Variants in RBPJ observed in about 807,000 individuals in gnomAD.
RBPJ encodes recombining binding protein suppressor of hairless.
RBPJ carries 9 observed loss-of-function variants against 67.8 expected under a neutral mutation model. That is an observed-to-expected ratio of 0.13 (90% CI 0.08 to 0.23). The LOEUF (loss-of-function observed/expected upper bound fraction) is 0.23, where lower values mean the gene tolerates loss of function less well. RBPJ is among the 10% of genes least tolerant of loss of function. The pLI, the probability that RBPJ is intolerant of heterozygous loss-of-function variation, is 1.00. For missense variants in RBPJ, 305 were observed against 595.6 expected (o/e 0.51, Z 5.08); for synonymous variants, 198 against 203.3 (o/e 0.97, Z 0.22).
intron 1 of RBPJ, among the ~76,000 whole-genome samples, chr4:26,298,545 A>C (rs948801538): frequency 1.2e-4 from 18 of 152,218 alleles, no homozygotes; most frequent in African/African-American, 3.1e-4. Context: ...CAGAGAACCT[A>C]AACTCTTTAC....
At chr4:26,282,134 CTCTTTTTT>C (rs1353691438) in intron 1 of RBPJ, among the ~76,000 whole-genome samples, 45 of 126,608 alleles carry the variant, frequency 3.6e-4, no homozygotes, top group Non-Finnish European at 6.9e-4. Context: ...CTCTCTCTCT[CTCTTTTTT>C]TTTTTTTTTT....
intron 1 of RBPJ, among the ~76,000 whole-genome samples, chr4:26,358,610 C>CAA (rs771623602): frequency 0.053 from 2,262 of 42,890 alleles, 137 homozygotes; most frequent in African/African-American, 0.15. Flanking sequence ...CCCATCTCTG[C>CAA]AAAAAAAAAA....
rs897098882 is a variant in RBPJ, at chr4:26,228,047, A to T, written c.-167+64433A>T. On this transcript the variant is annotated intron_variant, in intron 1 of 4. Coordinates refer to the RBPJ transcript ENST00000512351. Reference sequence around the variant, plus strand: ...CAGGACCTCCCTGCTGCGGCAAGTCACTAGGAACACATGGCCTCAGCCCTG... The same window carrying T: ...CAGGACCTCCCTGCTGCGGCAAGTCTCTAGGAACACATGGCCTCAGCCCTG... Among the ~76,000 whole-genome samples, 7 of 152,154 alleles carry T rather than the reference A, an allele frequency of 4.6e-5. No homozygotes were observed. The East Asian group carries it at 1.2e-3, about 25-fold the overall frequency.
intron 1 of RBPJ, among the ~76,000 whole-genome samples, chr4:26,288,664 C>T (rs948726746): frequency 2.0e-5 from 3 of 152,188 alleles, no homozygotes; most frequent in South Asian, 2.1e-4. Context: ...CTCACAAACA[C>T]GTATTCTTTA....
the RBPJ span, among the ~76,000 whole-genome samples, chr4:26,117,912 T>A: frequency 6.6e-6 from 1 of 152,084 alleles, no homozygotes; most frequent in East Asian, 1.9e-4. Context: ...CAAACAACTA[T>A]ACACCACAAA....
At chr4:26,171,579 G>A (rs376015915) in intron 1 of RBPJ, among the ~76,000 whole-genome samples, 47 of 152,254 alleles carry the variant, frequency 3.1e-4, no homozygotes, top group Non-Finnish European at 6.2e-4. Flanking sequence ...AACAAGAAAT[G>A]TATAGTTAGC....
At position 26,434,403 on chromosome 4, in the gene RBPJ, C is replaced by G. The variant is rs1377301168; in HGVS notation, c.*3396C>G. ...ACTGGGGAGGAGGTTCCTTTTGAAA[C>G]AAAATGCTGTTCAGTTAGTAACCAA... On this transcript the variant is annotated 3_prime_UTR_variant, in exon 11 of 11. Coordinates refer to ENST00000355476, the MANE Select transcript of RBPJ (RefSeq NM_015874.6). 1.3e-5 allele frequency: 2 copies of G among 152,160 alleles called. No individual in the cohort carries two copies. Among genetic ancestry groups the G allele is most frequent in the Non-Finnish European group, 2.9e-5 (2 of 67,996 alleles). 9.4% of individuals were successfully genotyped at this position (152,160 alleles called of 1,614,324 possible). A position where few individuals can be genotyped will look rare whatever the true frequency, so the allele number is the denominator to read the frequency against.
At chr4:26,325,055 C>T (rs901256366) in intron 1 of RBPJ, among the ~76,000 whole-genome samples, 30 of 152,192 alleles carry the variant, frequency 2.0e-4, no homozygotes, top group Non-Finnish European at 2.9e-4. Flanking sequence ...TACGTATTGA[C>T]TGAATGAAAC....
intron 1 of RBPJ, among the ~76,000 whole-genome samples, chr4:26,209,091 GA>G (rs869095822): frequency 1.6e-5 from 2 of 127,844 alleles, no homozygotes; most frequent in Non-Finnish European, 3.5e-5. Context: ...CATTACAGAA[GA>G]AAAAAAATAT....
chr4:26,137,397 T>C, the RBPJ span, among the ~76,000 whole-genome samples: 1 of 152,174 alleles, frequency 6.6e-6, no homozygotes, highest in Admixed American at 6.5e-5. Flanking sequence ...GTGTAGGCCT[T>C]GAACTTCTTT....
intron 1 of RBPJ, among the ~76,000 whole-genome samples, chr4:26,231,658 C>T (rs1719290066): frequency 6.6e-6 from 1 of 151,862 alleles, no homozygotes; most frequent in South Asian, 2.1e-4. Flanking sequence ...GTGATCTGCC[C>T]GTTTCGGCCT....
the RBPJ span, among the ~76,000 whole-genome samples, chr4:26,117,999 TC>T: frequency 6.6e-6 from 1 of 152,102 alleles, no homozygotes; most frequent in African/African-American, 2.4e-5. Flanking sequence ...AGATATATTA[TC>T]CATATATATC....
chr4:26,134,652 G>C, the RBPJ span, among the ~76,000 whole-genome samples: 1 of 152,072 alleles, frequency 6.6e-6, no homozygotes. Context: ...AGAAATGTGC[G>C]TTTTACCAAA....
At chr4:26,386,310 TA>T in intron 1 of RBPJ, 42 bp from the exon 2 acceptor site, 1 of 1,450,094 alleles carries the variant, frequency 6.9e-7, no homozygotes, top group Non-Finnish European at 9.5e-7. Flanking sequence ...GAGTGTATCA[TA>T]AAGCTTACTT....
At chr4:26,400,383 CA>C (rs747924112) in intron 2 of RBPJ, among the ~76,000 whole-genome samples, 10 of 152,224 alleles carry the variant, frequency 6.6e-5, no homozygotes, top group Admixed American at 2.0e-4. Flanking sequence ...ATGCACAGCG[CA>C]ATCTCTCCAC....
At chr4:26,326,457 T>C (rs1172130736) in intron 1 of RBPJ, among the ~76,000 whole-genome samples, 1 of 152,186 alleles carries the variant, frequency 6.6e-6, no homozygotes, top group Non-Finnish European at 1.5e-5. Context: ...CTGTTTTCAG[T>C]ACTAGATGGC....
chr4:26,298,622 T>G (rs1721965079), intron 1 of RBPJ, among the ~76,000 whole-genome samples: 1 of 152,198 alleles, frequency 6.6e-6, no homozygotes, highest in Non-Finnish European at 1.5e-5. Flanking sequence ...ATTATAACCA[T>G]AATTGGAGCA....
the RBPJ span, among the ~76,000 whole-genome samples, chr4:26,109,629 T>A: frequency 3.2e-5 from 1 of 31,478 alleles, no homozygotes; most frequent in Non-Finnish European, 5.8e-5. Flanking sequence ...CCTTCCTCTC[T>A]CTCTCTCTCT....
intron 1 of RBPJ, among the ~76,000 whole-genome samples, chr4:26,314,143 A>C (rs917622371): frequency 3.3e-5 from 5 of 152,190 alleles, no homozygotes; most frequent in Admixed American, 1.3e-4. Context: ...AAGTATATAT[A>C]TATCACTGTT....
Sources: gnomAD v4.1 joint callset for allele counts (sites outside exome capture counted in the v4.1 genomes callset) on GRCh38, gnomAD v4.1.1 for gene constraint, MANE v1.5 for transcripts, NCBI Gene and HGNC (gene_info 2026-07-23, HGNC 2026-07-21) for gene names.